PLPP1: variants seen among roughly 807,000 people sequenced by gnomAD.
The protein encoded by PLPP1 is lipid phosphate phosphohydrolase 1a.
A neutral mutation model predicts 31.2 loss-of-function variants in PLPP1; 24 were observed. That is an observed-to-expected ratio of 0.77 (90% CI 0.56 to 1.08). PLPP1 has a LOEUF of 1.08. Ranked by LOEUF, PLPP1 falls within the 50% of genes least tolerant of loss-of-function variation. The pLI, the probability that PLPP1 is intolerant of heterozygous loss-of-function variation, is 0.00. For synonymous variants in PLPP1, 146 were observed against 126.3 expected (o/e 1.16, Z -1.05); for missense variants, 319 against 342.7 (o/e 0.93, Z 0.55).
intron 1 of PLPP1, among the ~76,000 whole-genome samples, chr5:55,505,572 GA>G (rs1009129335): frequency 2.0e-4 from 30 of 150,456 alleles, no homozygotes; most frequent in African/African-American, 6.3e-4. Flanking sequence ...CTGTAACGGA[GA>G]AAAAAAAAGG....
intron 4 of PLPP1, among the ~76,000 whole-genome samples, chr5:55,437,370 T>TA (rs766642308): frequency 6.6e-6 from 1 of 152,212 alleles, no homozygotes; most frequent in African/African-American, 2.4e-5. Flanking sequence ...ATTCTATTGT[T>TA]AATAAAGTAA....
chr5:55,489,478 C>T (rs1368034682), intron 1 of PLPP1, among the ~76,000 whole-genome samples: 3 of 152,066 alleles, frequency 2.0e-5, no homozygotes, highest in Non-Finnish European at 2.9e-5. Flanking sequence ...AAAGAAGTAT[C>T]CCCTTAAACT....
At chr5:55,493,136 G>T (rs976095883) in intron 1 of PLPP1, among the ~76,000 whole-genome samples, 3 of 152,068 alleles carry the variant, frequency 2.0e-5, no homozygotes, top group African/African-American at 7.2e-5. Flanking sequence ...AACATATTGA[G>T]ACCTCGTCTC....
At chr5:55,464,109 A>T (rs1378895108) in intron 3 of PLPP1, among the ~76,000 whole-genome samples, 1 of 152,136 alleles carries the variant, frequency 6.6e-6, no homozygotes, top group Non-Finnish European at 1.5e-5. Flanking sequence ...TGGCTAAAAT[A>T]ACAAAAACTG....
At chr5:55,429,737 C>T (rs1751299834) in intron 4 of PLPP1, among the ~76,000 whole-genome samples, 1 of 152,148 alleles carries the variant, frequency 6.6e-6, no homozygotes. Context: ...CCCCCACCCA[C>T]AGCTGGGTGC....
chr5:55,503,842 AGG>A (rs1753199777), intron 1 of PLPP1, among the ~76,000 whole-genome samples: 1 of 72,314 alleles, frequency 1.4e-5, no homozygotes, highest in Non-Finnish European at 2.6e-5. Context: ...GATGAAGGGG[AGG>A]GGAGAGAGGA....
At chr5:55,511,830 ATTTT>A (rs879881094) in intron 1 of PLPP1, among the ~76,000 whole-genome samples, 1 of 142,214 alleles carries the variant, frequency 7.0e-6, no homozygotes, top group South Asian at 2.2e-4. Context: ...CGCCCAGCTA[ATTTT>A]TTTTTTTTTT....
chr5:55,460,432 T>C (rs553960511), intron 3 of PLPP1, among the ~76,000 whole-genome samples: 44 of 152,042 alleles, frequency 2.9e-4, no homozygotes, highest in Non-Finnish European at 5.0e-4. Flanking sequence ...TCTAGCCAGA[T>C]CAGTCAAGAA....
chr5:55,503,602 C>G (rs1477955833), intron 1 of PLPP1, among the ~76,000 whole-genome samples: 1 of 149,054 alleles, frequency 6.7e-6, no homozygotes, highest in African/African-American at 2.5e-5. Flanking sequence ...ATGGTAAAAC[C>G]CCATCTCTGC....
At chr5:55,527,395 T>C (rs1261142967) in intron 1 of PLPP1, among the ~76,000 whole-genome samples, 2 of 152,174 alleles carry the variant, frequency 1.3e-5, no homozygotes, top group Non-Finnish European at 2.9e-5. Flanking sequence ...CCCATTGACT[T>C]TGATTTGGCA....
intron 1 of PLPP1, among the ~76,000 whole-genome samples, chr5:55,488,269 TAAAA>T (rs932346308): frequency 1.4e-5 from 2 of 140,250 alleles, no homozygotes; most frequent in African/African-American, 5.2e-5. Context: ...ATACTATAAC[TAAAA>T]AAAAAAAAAT....
chr5:55,534,615 C>T lies in PLPP1; in HGVS notation c.15G>A (p.Thr5=). 6.4e-7 allele frequency: 1 copy of T among 1,558,548 alleles called. No homozygotes were observed. Among genetic ancestry groups the T allele is most frequent in the Non-Finnish European group, 8.7e-7 (1 of 1,154,224 alleles). Residue 5 remains threonine (T), a synonymous_variant, in exon 1 of 6, where the codon ACG becomes ACA. Transcript: ENST00000307259. ...CATCGAGGGCCACGTACGGCAGCCG[C>T]GTCTTGTCAAACATGGTCTCTGCCC... is the stretch of plus-strand genomic sequence containing the variant. MFDK[T]RLPYVALDVL...
In PLPP1 at chr5:55,434,838, T is replaced by C. The variant is rs1561221879; in HGVS notation, c.549+7013A>G. ...AACATAGGGGAAACGCTTCAGGATA[T>C]TGGTCTGGGCAAAGATTTTATGGCT... is the stretch of plus-strand genomic sequence containing the variant. On this transcript the variant is annotated intron_variant, in intron 4 of 5. Transcript: ENST00000307259. Among the ~76,000 whole-genome samples the C allele has an allele frequency of 2.6e-5, 4 of 152,310 alleles. No homozygotes were observed. In the South Asian group the frequency reaches 6.2e-4, roughly 24 times the overall value.
chr5:55,491,835 C>T (rs1370868408), intron 1 of PLPP1, among the ~76,000 whole-genome samples: 1 of 110,944 alleles, frequency 9.0e-6, no homozygotes, highest in East Asian at 2.6e-4. Context: ...TCCAGCCTGG[C>T]CAACAGAGCA....
chr5:55,510,307 A>G (rs1427563620), intron 1 of PLPP1, among the ~76,000 whole-genome samples: 1 of 152,188 alleles, frequency 6.6e-6, no homozygotes, highest in Non-Finnish European at 1.5e-5. Context: ...GATTCCATTT[A>G]TATGACATTA....
chr5:55,439,318 C>T (rs945064750), intron 4 of PLPP1, among the ~76,000 whole-genome samples: 3 of 152,168 alleles, frequency 2.0e-5, no homozygotes, highest in East Asian at 1.9e-4. Flanking sequence ...ATTCAAACCA[C>T]GCTCAAATAA....
chr5:55,492,842 AG>A (rs1250752385), intron 1 of PLPP1, among the ~76,000 whole-genome samples: 1 of 152,242 alleles, frequency 6.6e-6, no homozygotes, highest in Non-Finnish European at 1.5e-5. Context: ...TGCTGAAACT[AG>A]GAAGTGGTGG....
At chr5:55,508,868 TA>T (rs1753342724) in intron 1 of PLPP1, 1 of 154,150 alleles carries the variant, frequency 6.5e-6, no homozygotes, top group Non-Finnish European at 1.5e-5. Context: ...TATTTGACCC[TA>T]AAACGTTCTA....
At chr5:55,427,156 T>C (rs908641109) in intron 4 of PLPP1, among the ~76,000 whole-genome samples, 4 of 152,102 alleles carry the variant, frequency 2.6e-5, no homozygotes, top group South Asian at 2.1e-4. Context: ...ACATTCCCTT[T>C]AAAATTCTGT....
Sources: gnomAD v4.1 joint callset for allele counts (sites outside exome capture counted in the v4.1 genomes callset) on GRCh38, gnomAD v4.1.1 for gene constraint, MANE v1.5 for transcripts, NCBI Gene and HGNC (gene_info 2026-07-23, HGNC 2026-07-21) for gene names.